Variants in THRB observed in about 807,000 individuals in gnomAD.
The protein encoded by THRB is thyroid hormone receptor beta.
In THRB, 12 loss-of-function variants were observed where a neutral mutation model predicts 47.8. That is an observed-to-expected ratio of 0.25 (90% CI 0.16 to 0.41). THRB has a LOEUF of 0.41. THRB is among the 10% of genes least tolerant of loss of function. The pLI, the probability that THRB is intolerant of heterozygous loss-of-function variation, is 1.00. For missense variants in THRB, 348 were observed against 589.2 expected (o/e 0.59, Z 4.24); for synonymous variants, 218 against 212.2 (o/e 1.03, Z -0.24).
chr3:24,349,177 G>C (rs1385469100), intron 1 of THRB, among the ~76,000 whole-genome samples: 2 of 151,816 alleles, frequency 1.3e-5, no homozygotes, highest in East Asian at 3.9e-4. Flanking sequence ...CTTCTAAATG[G>C]GAAACTACAA....
At chr3:24,229,327 C>T (rs2048017440) in intron 3 of THRB, among the ~76,000 whole-genome samples, 1 of 152,184 alleles carries the variant, frequency 6.6e-6, no homozygotes, top group Admixed American at 6.5e-5. Flanking sequence ...GATGTATTAG[C>T]ATCTCTAATC....
At position 24,190,223 on chromosome 3, in the gene THRB, C is replaced by G; in HGVS notation, c.134G>C (p.Arg45Thr). 1 of 1,614,098 alleles carries G rather than the reference C, an allele frequency of 6.2e-7. No homozygotes were observed. The highest frequency in any genetic ancestry group is 2.2e-5 in the East Asian group (1 of 44,878). ...ACLHRKSHSE[R>T]RSTLKNEQSS... ...CTGTTCATTTTTCAACGTGCTGCGC[C>G]TCTCTGAATGGCTCTTCCTATGTAG... Residue 45 changes from arginine to threonine, a missense_variant, in exon 5 of 11, where the codon AGG becomes ACG. Transcript: ENST00000646209.
chr3:24,290,772 T>C (rs1281553917), intron 3 of THRB, among the ~76,000 whole-genome samples: 1 of 152,216 alleles, frequency 6.6e-6, no homozygotes, highest in African/African-American at 2.4e-5. Flanking sequence ...TTGAAACCTT[T>C]TTCTTGGAAA....
At chr3:24,476,345 T>A (rs1695445764) in intron 1 of THRB, among the ~76,000 whole-genome samples, 1 of 152,194 alleles carries the variant, frequency 6.6e-6, no homozygotes, top group Non-Finnish European at 1.5e-5. Flanking sequence ...AATGTACAAA[T>A]TAACACAAAA....
chr3:24,287,916 T>C (rs931305301), intron 3 of THRB, among the ~76,000 whole-genome samples: 1 of 152,220 alleles, frequency 6.6e-6, no homozygotes, highest in African/African-American at 2.4e-5. Context: ...CATTTACTCA[T>C]ATAAATAGTG....
chr3:24,385,861 A>G (rs956271038), intron 1 of THRB, among the ~76,000 whole-genome samples: 4 of 152,110 alleles, frequency 2.6e-5, no homozygotes, highest in Non-Finnish European at 5.9e-5. Context: ...ATTTTGCCCA[A>G]TCTTAAATAT....
intron 2 of THRB, among the ~76,000 whole-genome samples, chr3:24,335,055 A>G (rs1415585270): frequency 6.6e-6 from 1 of 152,178 alleles, no homozygotes; most frequent in South Asian, 2.1e-4. Context: ...TTGGGTGGTG[A>G]CCCAGATGGT....
At chr3:24,282,892 T>C (rs1424537362) in intron 3 of THRB, among the ~76,000 whole-genome samples, 2 of 151,460 alleles carry the variant, frequency 1.3e-5, no homozygotes, top group Non-Finnish European at 2.9e-5. Flanking sequence ...CAGGAAGAAG[T>C]TGAATCTCTG....
intron 1 of THRB, among the ~76,000 whole-genome samples, chr3:24,431,873 G>A (rs1355868377): frequency 3.3e-5 from 5 of 151,986 alleles, no homozygotes; most frequent in Admixed American, 1.3e-4. Flanking sequence ...ATATGAATGA[G>A]AAAAGCAAGT....
At chr3:24,269,598 AAT>A (rs1491305382) in intron 3 of THRB, among the ~76,000 whole-genome samples, 1 of 99,820 alleles carries the variant, frequency 1.0e-5, no homozygotes, top group African/African-American at 3.7e-5. Flanking sequence ...GATAATTTTT[AAT>A]TTTTTTTTTT....
chr3:24,400,388 C>A (rs191117531), intron 1 of THRB, among the ~76,000 whole-genome samples: 28 of 152,044 alleles, frequency 1.8e-4, no homozygotes, highest in Admixed American at 4.6e-4. Context: ...TTATGCAAAA[C>A]AAAATGCATC....
intron 3 of THRB, among the ~76,000 whole-genome samples, chr3:24,250,847 C>G (rs578006789): frequency 3.3e-5 from 5 of 152,064 alleles, no homozygotes; most frequent in African/African-American, 1.2e-4. Flanking sequence ...ACCAGAATAA[C>G]ATCACTAATG....
In THRB at chr3:24,190,263, T is replaced by C. The variant is rs746230410; in HGVS notation, c.94A>G (p.Met32Val). 1.9e-6 allele frequency: 3 copies of C among 1,614,088 alleles called. No homozygotes were observed. Among genetic ancestry groups the C allele is most frequent in the Non-Finnish European group, 2.5e-6 (3 of 1,179,966 alleles). ...TTCCTATGTAGGCAGGCTTCAGACA[T>C]TCCTACTAGCTTCCAGTCGTGTTCT... is the stretch of plus-strand genomic sequence containing the variant. ...DREHDWKLVGMSEACLHRKSH... is the reference protein window; with the variant it reads ...DREHDWKLVGVSEACLHRKSH... Residue 32 changes from methionine (M) to valine (V), a missense_variant, in exon 5 of 11, where the codon ATG becomes GTG. Met to Val is a conservative substitution (Grantham distance 21). Coordinates refer to ENST00000646209, the MANE Select transcript of THRB (RefSeq NM_001354712.2).
At position 24,167,910 on chromosome 3, in the gene THRB, T is replaced by G. The variant is rs528311093; in HGVS notation, c.284-15420A>C. 8.5e-4 allele frequency among the ~76,000 whole-genome samples: 130 copies of G among 152,256 alleles called. 2 individuals carry two copies. In the Middle Eastern group the frequency reaches 0.024, roughly 28 times the overall value. ...CTGGAACTGGATATAAATACTGCAG[T>G]GAAAAAGGAAAGAATAGCTGCTGAA... On this transcript the variant is annotated intron_variant, in intron 5 of 10. Transcript: ENST00000646209.
At chr3:24,192,888 CA>C (rs1396049674) in intron 4 of THRB, among the ~76,000 whole-genome samples, 1 of 152,200 alleles carries the variant, frequency 6.6e-6, no homozygotes, top group Non-Finnish European at 1.5e-5. Flanking sequence ...GCTTAACTGG[CA>C]GGTTTATTGG....
chr3:24,437,230 C>T (rs1434265764), intron 1 of THRB, among the ~76,000 whole-genome samples: 1 of 151,134 alleles, frequency 6.6e-6, no homozygotes, highest in African/African-American at 2.4e-5. Flanking sequence ...CTCTCATTTG[C>T]AGCAATATGG....
intron 1 of THRB, among the ~76,000 whole-genome samples, chr3:24,370,609 A>G (rs1224171703): frequency 6.6e-6 from 1 of 152,130 alleles, no homozygotes; most frequent in Non-Finnish European, 1.5e-5. Flanking sequence ...AACATTCTCT[A>G]GTAGTGACCC....
intron 1 of THRB, among the ~76,000 whole-genome samples, chr3:24,461,695 CTCTGG>C (rs2073717545): frequency 1.3e-5 from 2 of 152,056 alleles, no homozygotes; most frequent in Admixed American, 6.6e-5. Flanking sequence ...TTTAAATATT[CTCTGG>C]TCTTCTAAGA....
intron 3 of THRB, among the ~76,000 whole-genome samples, chr3:24,273,754 C>T (rs2053592912): frequency 1.3e-5 from 2 of 152,172 alleles, no homozygotes; most frequent in Admixed American, 1.3e-4. Context: ...GGGTAGAGTT[C>T]TACCCATTGC....
Sources: gnomAD v4.1 joint callset for allele counts (sites outside exome capture counted in the v4.1 genomes callset) on GRCh38, gnomAD v4.1.1 for gene constraint, MANE v1.5 for transcripts, NCBI Gene and HGNC (gene_info 2026-07-23, HGNC 2026-07-21) for gene names.